Variants in CCR5AS observed in about 807,000 individuals in gnomAD.
CCR5AS encodes CCR5 antisense RNA.
chr3:46,400,989 T>A (rs1180932616), intron 1 of CCR5AS, among the ~76,000 whole-genome samples: 1 of 152,120 alleles, frequency 6.6e-6, no homozygotes, highest in Admixed American at 6.6e-5. Context: ...GGTGCGAATG[T>A]TTTTGGCATA....
intron 2 of CCR5AS, among the ~76,000 whole-genome samples, chr3:46,376,884 G>A (rs759551473): frequency 2.6e-4 from 40 of 152,180 alleles, no homozygotes; most frequent in Admixed American, 6.5e-4. Context: ...AAAGCTGCCC[G>A]TGGTCCTATT....
At chr3:46,389,832 T>G (rs1280277563) in intron 2 of CCR5AS, among the ~76,000 whole-genome samples, 1 of 151,868 alleles carries the variant, frequency 6.6e-6, no homozygotes. Context: ...TGTTTGGTGG[T>G]GGGGGTTGGG....
intron 1 of CCR5AS, among the ~76,000 whole-genome samples, chr3:46,400,402 G>A (rs1283841775): frequency 6.6e-6 from 1 of 152,322 alleles, no homozygotes; most frequent in East Asian, 1.9e-4. Flanking sequence ...GAATGACTAA[G>A]TGGCAGACTA....
intron 2 of CCR5AS, among the ~76,000 whole-genome samples, chr3:46,392,136 G>A (rs929949744): frequency 1.3e-5 from 2 of 152,186 alleles, no homozygotes; most frequent in Non-Finnish European, 2.9e-5. Context: ...TATTACAGAA[G>A]AAAATAAGAT....
intron 1 of CCR5AS, among the ~76,000 whole-genome samples, chr3:46,404,051 A>G (rs1446634411): frequency 3.9e-5 from 6 of 152,216 alleles, no homozygotes; most frequent in African/African-American, 1.4e-4. Context: ...AGAAGAGTGA[A>G]TGAAGAGCTG....
intron 1 of CCR5AS, among the ~76,000 whole-genome samples, chr3:46,397,619 G>A (rs1429499348): frequency 2.6e-5 from 4 of 152,160 alleles, no homozygotes; most frequent in Non-Finnish European, 5.9e-5. Context: ...CATCAGGAGG[G>A]AGCCAGGGCC....
chr3:46,387,215 C>T (rs374810270), intron 2 of CCR5AS, among the ~76,000 whole-genome samples: 95 of 152,226 alleles, frequency 6.2e-4, no homozygotes, highest in Middle Eastern at 3.4e-3. Context: ...TTCCAGAAAT[C>T]GTGAGCATGA....
chr3:46,365,234 A>G lies in CCR5AS; in HGVS notation n.566-189T>C, dbSNP rs574382337. ...AGAGTCGACCAAGGTGGCAAATTGC[A>G]TTGTCATCTTATTTTAAGAAATTGC... is the stretch of plus-strand genomic sequence containing the variant. On this transcript the variant is annotated intron_variant and non_coding_transcript_variant, in intron 3 of 3. Transcript: ENST00000451485. Among the ~76,000 whole-genome samples the G allele has an allele frequency of 1.1e-3, 168 of 152,258 alleles. 1 individual carries two copies. The highest frequency in any genetic ancestry group is 3.9e-3 in the African/African-American group (164 of 41,536).
intron 3 of CCR5AS, among the ~76,000 whole-genome samples, chr3:46,369,970 G>A (rs902251233): frequency 2.0e-5 from 3 of 152,128 alleles, no homozygotes; most frequent in Admixed American, 2.0e-4. Flanking sequence ...AGCCCAGAGG[G>A]CATCTTGTGG....
intron 2 of CCR5AS, among the ~76,000 whole-genome samples, chr3:46,389,192 T>C (rs1447457821): frequency 6.6e-6 from 1 of 152,166 alleles, no homozygotes; most frequent in Non-Finnish European, 1.5e-5. Flanking sequence ...TAAGGGTTAT[T>C]ATTGTTCTTC....
chr3:46,367,611 C>T (rs1315976949), intron 3 of CCR5AS, among the ~76,000 whole-genome samples: 1 of 152,182 alleles, frequency 6.6e-6, no homozygotes, highest in African/African-American at 2.4e-5. Flanking sequence ...CTTGCTGTCA[C>T]CCAGGTTGGA....
At chr3:46,373,900 A>C (rs772685815) in intron 2 of CCR5AS, 2 of 1,609,468 alleles carry the variant, frequency 1.2e-6, no homozygotes. Flanking sequence ...GAGGCTCCCG[A>C]GCGAGCAAGC....
intron 2 of CCR5AS, among the ~76,000 whole-genome samples, chr3:46,390,693 G>T (rs1701904062): frequency 6.6e-6 from 1 of 152,138 alleles, no homozygotes; most frequent in South Asian, 2.1e-4. Flanking sequence ...TGTGGCTGCA[G>T]CCCAGGAATA....
chr3:46,400,326 A>G (rs1701996176), intron 1 of CCR5AS, among the ~76,000 whole-genome samples: 1 of 152,198 alleles, frequency 6.6e-6, no homozygotes, highest in Admixed American at 6.5e-5. Context: ...ACACACTCAA[A>G]GAAAAAATGT....
At chr3:46,404,327 CTTTTTT>C (rs10567130) in intron 1 of CCR5AS, among the ~76,000 whole-genome samples, 2 of 75,908 alleles carry the variant, frequency 2.6e-5, no homozygotes, top group Admixed American at 1.7e-4. Context: ...CTCTCTCTCT[CTTTTTT>C]TTTTTTTTTT....
At chr3:46,393,801 C>G (rs35479331) in intron 1 of CCR5AS, among the ~76,000 whole-genome samples, 28,796 of 152,194 alleles carry the variant, frequency 0.19, 4,560 homozygotes, top group African/African-American at 0.44. Flanking sequence ...TGGCTTCCTG[C>G]AGGTGGTGTG....
intron 2 of CCR5AS, among the ~76,000 whole-genome samples, chr3:46,384,385 T>C (rs1003654771): frequency 2.6e-5 from 4 of 152,248 alleles, no homozygotes; most frequent in African/African-American, 9.6e-5. Flanking sequence ...TGAACATGCC[T>C]GGCCCCCAGA....
chr3:46,386,646 G>A (rs569979393), intron 2 of CCR5AS, among the ~76,000 whole-genome samples: 33 of 152,330 alleles, frequency 2.2e-4, no homozygotes, highest in Non-Finnish European at 4.1e-4. Flanking sequence ...CAGAGCACTG[G>A]TCTTGTTTAT....
intron 2 of CCR5AS, among the ~76,000 whole-genome samples, chr3:46,390,704 C>T (rs1199426187): frequency 2.0e-5 from 3 of 152,014 alleles, no homozygotes; most frequent in Admixed American, 2.0e-4. Context: ...CCCAGGAATA[C>T]TCAGGGAAGC....
Sources: allele counts gnomAD v4.1 joint callset (sites outside exome capture counted in the v4.1 genomes callset), GRCh38; gene constraint gnomAD v4.1.1; transcripts MANE v1.5; gene names NCBI Gene and HGNC (gene_info 2026-07-23, HGNC 2026-07-21).